MUC7: variants seen among roughly 807,000 people sequenced by gnomAD.
MUC7 encodes the protein mucin-7.
A neutral mutation model predicts 2.5 loss-of-function variants in MUC7; 2 were observed. The ratio of observed to expected loss-of-function variants is 0.81; its 90% CI spans 0.33 to 2.55. The LOEUF is 2.55. MUC7 is among the 30% of genes most tolerant of loss of function. MUC7 has a pLI of 0.11. For synonymous variants in MUC7, 133 were observed against 173.4 expected (o/e 0.77, Z 1.83); for missense variants, 408 against 455.6 (o/e 0.90, Z 0.95).
At position 70,449,366 on chromosome 4, in the gene MUC7, A is replaced by G. The variant is rs190971589; in HGVS notation, c.-93+18679A>G. Among the ~76,000 whole-genome samples, 8 of 152,276 alleles carry G rather than the reference A, an allele frequency of 5.3e-5. No individual in the cohort carries two copies. In the East Asian group the frequency reaches 1.3e-3, roughly 26 times the overall value. On this transcript the variant is annotated intron_variant, in intron 1 of 3. Coordinates refer to the MUC7 transcript ENST00000413702. ...TGGCAGCAGACTAGGGAGAATGAGA[A>G]CCAACCGAAAGGGGTTTCCCCTTAA... is the stretch of plus-strand genomic sequence containing the variant.
At chr4:70,451,312 G>T (rs996571599) in intron 1 of MUC7, among the ~76,000 whole-genome samples, 1 of 152,196 alleles carries the variant, frequency 6.6e-6, no homozygotes, top group African/African-American at 2.4e-5. Context: ...CATGGTGACT[G>T]CCAGGGCTAG....
In MUC7 at chr4:70,481,931, G is replaced by T; in HGVS notation, c.*53G>T. 6.4e-7 allele frequency: 1 copy of T among 1,565,208 alleles called. No homozygotes were observed. The stretch of plus-strand genomic sequence containing the variant: ...CATTTACAAGATGTGATTCATGAGT[G>T]CAGAACTACCACCTTTCTTTTAGCA... On this transcript the variant is annotated 3_prime_UTR_variant, in exon 3 of 3. Transcript: ENST00000304887.
chr4:70,452,546 C>CA (rs770090376), intron 1 of MUC7, among the ~76,000 whole-genome samples: 936 of 76,054 alleles, frequency 0.012, 7 homozygotes, highest in Non-Finnish European at 0.02. Context: ...TAAAAAAGAA[C>CA]AAAAAACAAA....
chr4:70,450,983 G>T (rs1734265543), intron 1 of MUC7, among the ~76,000 whole-genome samples: 1 of 90,370 alleles, frequency 1.1e-5, no homozygotes, highest in African/African-American at 3.6e-5. Context: ...TGCCCCCCCA[G>T]TCCACTGTCT....
In MUC7 at chr4:70,481,631, C is replaced by A. The variant is rs1175167471; in HGVS notation, c.887C>A (p.Ser296Tyr). The A allele has an allele frequency of 1.2e-6, 2 of 1,612,896 alleles. No individual in the cohort carries two copies. The highest frequency in any genetic ancestry group is 1.7e-6 in the Non-Finnish European group (2 of 1,179,704). The change falls in exon 3 of 3, where the codon TCT (serine) becomes TAT (tyrosine). Residue 296 changes from serine to tyrosine, a missense_variant. Transcript: ENST00000304887. ...TCTGCAACTACACCAGCTCCACCGT[C>A]TTCCCCAGCTCCACAAGAGACCACA... ...TPSATTPAPP[S>Y]SPAPQETTAA...
upstream of MUC7, among the ~76,000 whole-genome samples, chr4:70,470,714 C>T (rs1734815194): frequency 6.6e-6 from 1 of 152,114 alleles, no homozygotes; most frequent in Non-Finnish European, 1.5e-5. Flanking sequence ...TTATATTCTA[C>T]AGTCAATTTT....
chr4:70,472,001 C>A (rs1560556530), upstream of MUC7: 1 of 152,192 alleles, frequency 6.6e-6, no homozygotes, highest in Non-Finnish European at 1.5e-5. Flanking sequence ...TCATTGAGAA[C>A]CTCTGATCGT....
At chr4:70,467,487 G>C (rs190319155), upstream of MUC7, among the ~76,000 whole-genome samples, 2 of 152,182 alleles carry the variant, frequency 1.3e-5, no homozygotes, top group Admixed American at 1.3e-4. Flanking sequence ...TTTTTGAAAA[G>C]ATTAACAAAA....
At chr4:70,461,154 C>G (rs1002227594) in intron 1 of MUC7, among the ~76,000 whole-genome samples, 1 of 152,216 alleles carries the variant, frequency 6.6e-6, no homozygotes, top group Non-Finnish European at 1.5e-5. Flanking sequence ...GTTACTCATG[C>G]CTTCTCTGTT....
chr4:70,440,623 C>T (rs556391065), intron 1 of MUC7, among the ~76,000 whole-genome samples: 1 of 152,134 alleles, frequency 6.6e-6, no homozygotes, highest in Non-Finnish European at 1.5e-5. Context: ...AAAGAAAAGA[C>T]ACATTTAAGG....
intron 1 of MUC7, among the ~76,000 whole-genome samples, chr4:70,459,547 T>C (rs1734501818): frequency 6.6e-6 from 1 of 152,118 alleles, no homozygotes; most frequent in Non-Finnish European, 1.5e-5. Flanking sequence ...AACCTGCACA[T>C]TGGGCACATG....
intron 1 of MUC7, among the ~76,000 whole-genome samples, chr4:70,452,665 T>G (rs2109716737): frequency 6.6e-6 from 1 of 152,302 alleles, no homozygotes; most frequent in East Asian, 1.9e-4. Flanking sequence ...GTTGTTGTAG[T>G]TACTATATTT....
intron 1 of MUC7, among the ~76,000 whole-genome samples, chr4:70,457,157 A>T (rs1734435058): frequency 6.6e-6 from 1 of 152,176 alleles, no homozygotes; most frequent in African/African-American, 2.4e-5. Flanking sequence ...AATTACCGAC[A>T]CTTGGCCAGG....
chr4:70,460,335 A>G (rs993251070), intron 1 of MUC7, among the ~76,000 whole-genome samples: 2 of 152,254 alleles, frequency 1.3e-5, no homozygotes, highest in African/African-American at 4.8e-5. Context: ...GGATGGTTCC[A>G]TAAACTAATA....
intron 1 of MUC7, among the ~76,000 whole-genome samples, chr4:70,441,781 A>C (rs1163642845): frequency 1.3e-5 from 2 of 152,214 alleles, no homozygotes; most frequent in Admixed American, 6.5e-5. Flanking sequence ...TATTGCAAAA[A>C]AATAGTCTGA....
intron 1 of MUC7, among the ~76,000 whole-genome samples, chr4:70,442,871 T>C (rs1008559996): frequency 6.6e-6 from 1 of 152,238 alleles, no homozygotes; most frequent in African/African-American, 2.4e-5. Flanking sequence ...CATCAGCAAG[T>C]ACCTTCTTCA....
At chr4:70,456,323 T>A (rs773421980) in intron 1 of MUC7, among the ~76,000 whole-genome samples, 5 of 152,302 alleles carry the variant, frequency 3.3e-5, no homozygotes, top group South Asian at 4.1e-4. Context: ...GAACTGATAA[T>A]AAGCATGTCA....
chr4:70,434,390 T>C (rs1733769063), intron 1 of MUC7, among the ~76,000 whole-genome samples: 1 of 152,208 alleles, frequency 6.6e-6, no homozygotes, highest in Non-Finnish European at 1.5e-5. Flanking sequence ...ATTGCCTCAA[T>C]TTCAGAACTT....
At chr4:70,450,241 G>C (rs149023959) in intron 1 of MUC7, among the ~76,000 whole-genome samples, 2 of 152,132 alleles carry the variant, frequency 1.3e-5, no homozygotes, top group African/African-American at 4.8e-5. Flanking sequence ...GCCACCCCAG[G>C]CACAAGGGGT....
Sources: allele counts gnomAD v4.1 joint callset (sites outside exome capture counted in the v4.1 genomes callset), GRCh38; gene constraint gnomAD v4.1.1; transcripts MANE v1.5; gene names NCBI Gene and HGNC (gene_info 2026-07-23, HGNC 2026-07-21).